ST6GAL1: variants seen among roughly 807,000 people sequenced by gnomAD.
ST6GAL1 encodes the protein beta-galactoside alpha-2,6-sialyltransferase 1.
A neutral mutation model predicts 38.0 loss-of-function variants in ST6GAL1; 20 were observed. That is an observed-to-expected ratio of 0.53 (90% CI 0.37 to 0.77). The LOEUF is 0.77. Ranked by LOEUF, ST6GAL1 falls within the 30% of genes least tolerant of loss-of-function variation. ST6GAL1 has a pLI of 0.00. For missense variants in ST6GAL1, 432 were observed against 496.4 expected (o/e 0.87, Z 1.23); for synonymous variants, 196 against 188.2 (o/e 1.04, Z -0.34).
At chr3:187,074,737 A>T (rs1397405681) in intron 7 of ST6GAL1, among the ~76,000 whole-genome samples, 1 of 151,854 alleles carries the variant, frequency 6.6e-6, no homozygotes, top group East Asian at 1.9e-4. Flanking sequence ...CAGGGGAGGG[A>T]GGTGGGAAAA....
intron 1 of ST6GAL1, among the ~76,000 whole-genome samples, chr3:186,931,898 CTTGT>C (rs1165527161): frequency 6.6e-6 from 1 of 152,248 alleles, no homozygotes. Flanking sequence ...AAAGAGAACT[CTTGT>C]TTGTTTTGCT....
intron 1 of ST6GAL1, among the ~76,000 whole-genome samples, chr3:186,946,433 G>T (rs1404201010): frequency 6.6e-6 from 1 of 151,860 alleles, no homozygotes; most frequent in African/African-American, 2.4e-5. Context: ...CTAGGCTGGA[G>T]TGCAGTGGCG....
chr3:187,017,773 C>T (rs1453296452), intron 2 of ST6GAL1, among the ~76,000 whole-genome samples: 1 of 152,298 alleles, frequency 6.6e-6, no homozygotes, highest in Admixed American at 6.5e-5. Flanking sequence ...AAAACCACGA[C>T]GGACATGGTT....
intron 2 of ST6GAL1, among the ~76,000 whole-genome samples, chr3:186,987,176 GAGAC>G (rs1357883713): frequency 1.3e-5 from 1 of 79,184 alleles, no homozygotes; most frequent in African/African-American, 4.9e-5. Context: ...AAGAGAAAGA[GAGAC>G]AGGGAGGGAG....
intron 2 of ST6GAL1, among the ~76,000 whole-genome samples, chr3:186,988,239 T>C (rs1716022578): frequency 6.6e-6 from 1 of 152,170 alleles, no homozygotes; most frequent in Non-Finnish European, 1.5e-5. Context: ...GTGGACTGGA[T>C]GATGGTTCAG....
chr3:186,948,840 G>A (rs1714477729), intron 1 of ST6GAL1: 2 of 152,550 alleles, frequency 1.3e-5, no homozygotes, highest in Admixed American at 1.3e-4. Flanking sequence ...GATGATGACT[G>A]GTTTCTCTGC....
At chr3:186,951,786 C>T (rs887222859) in intron 1 of ST6GAL1, among the ~76,000 whole-genome samples, 3 of 152,262 alleles carry the variant, frequency 2.0e-5, no homozygotes, top group South Asian at 2.1e-4. Context: ...AACAAAATAC[C>T]GTAAACAGGG....
intron 1 of ST6GAL1, among the ~76,000 whole-genome samples, chr3:186,953,228 C>T (rs1207518771): frequency 6.6e-6 from 1 of 152,160 alleles, no homozygotes; most frequent in East Asian, 1.9e-4. Context: ...CTCTTTTACT[C>T]AGAGCTTAGA....
At chr3:187,013,564 T>C (rs1000018891) in intron 2 of ST6GAL1, among the ~76,000 whole-genome samples, 1 of 152,218 alleles carries the variant, frequency 6.6e-6, no homozygotes, top group Non-Finnish European at 1.5e-5. Context: ...TAGCTAACAC[T>C]AAAAGTGGCA....
intron 1 of ST6GAL1, among the ~76,000 whole-genome samples, chr3:186,940,783 GTTTT>G (rs35452443): frequency 3.9e-5 from 5 of 129,302 alleles, no homozygotes; most frequent in Admixed American, 7.7e-5. Flanking sequence ...CCATGTCAGT[GTTTT>G]TTTTTTTTTT....
At chr3:186,965,716 G>C (rs1715087946) in intron 2 of ST6GAL1, among the ~76,000 whole-genome samples, 1 of 152,146 alleles carries the variant, frequency 6.6e-6, no homozygotes, top group Non-Finnish European at 1.5e-5. Context: ...CCTCCTCACA[G>C]AGCTTACATA....
At chr3:186,938,161 G>T (rs1404991535) in intron 1 of ST6GAL1, among the ~76,000 whole-genome samples, 1 of 152,156 alleles carries the variant, frequency 6.6e-6, no homozygotes, top group Non-Finnish European at 1.5e-5. Flanking sequence ...TCCTAAAGTT[G>T]AAATTACTGG....
chr3:187,071,924 T>A (rs926712989), intron 5 of ST6GAL1: 7 of 152,192 alleles, frequency 4.6e-5, no homozygotes, highest in African/African-American at 1.7e-4. Flanking sequence ...CAAATACTTT[T>A]CTTTATTTTG....
chr3:186,944,233 A>G (rs1487988433), intron 1 of ST6GAL1, among the ~76,000 whole-genome samples: 1 of 152,226 alleles, frequency 6.6e-6, no homozygotes, highest in Admixed American at 6.5e-5. Context: ...AGTGCCTGCG[A>G]ATCCTTTAGT....
intron 2 of ST6GAL1, among the ~76,000 whole-genome samples, chr3:187,032,079 A>G (rs1393530566): frequency 6.6e-6 from 1 of 152,230 alleles, no homozygotes; most frequent in Non-Finnish European, 1.5e-5. Context: ...TAGTGCTGCT[A>G]TCTCATCAGC....
In ST6GAL1 at chr3:187,075,452, G is replaced by C; in HGVS notation, c.980-110G>C. ...ATCACAGTCATAAATAGAAACTCCA[G>C]AGGGAAAGCTCTCCAAATTTGGGGT... On this transcript the variant is annotated intron_variant, in intron 7 of 7. Transcript: ENST00000169298. This position sits in a 1 kb window ranked among gnomAD's most constrained non-coding sequence, Gnocchi z 4.1. 1 of 1,493,452 alleles carries C rather than the reference G, an allele frequency of 6.7e-7. No individual in the cohort carries two copies. The highest frequency in any genetic ancestry group is 2.3e-5 in the East Asian group (1 of 43,982). 92.5% of individuals were successfully genotyped at this position (1,493,452 alleles called of 1,614,324 possible).
rs1184766398 is a variant in ST6GAL1, at chr3:186,952,925, G to T, written c.-324-10860G>T. ...AACAATTTCATCTTTCCATCTTTTA[G>T]GGCTTAAACTCTGGAGTCATTCTAA... is the stretch of plus-strand genomic sequence containing the variant. On this transcript the variant is annotated intron_variant, in intron 1 of 7. Coordinates refer to ENST00000169298, the MANE Select transcript of ST6GAL1 (RefSeq NM_173216.2). The surrounding 1 kb of genome is among the most constrained non-coding windows in gnomAD (Gnocchi z 4.1). Among the ~76,000 whole-genome samples the T allele has an allele frequency of 6.6e-6, 1 of 152,116 alleles. No individual in the cohort carries two copies.
chr3:187,012,296 C>T (rs1716981346), intron 2 of ST6GAL1, among the ~76,000 whole-genome samples: 1 of 151,184 alleles, frequency 6.6e-6, no homozygotes, highest in Non-Finnish European at 1.5e-5. Context: ...CCTGCTCTGT[C>T]TCCCAGGCTG....
chr3:186,970,205 TTTTCTTTTTC>T (rs1283933441), intron 2 of ST6GAL1, among the ~76,000 whole-genome samples: 11 of 138,532 alleles, frequency 7.9e-5, no homozygotes, highest in African/African-American at 2.7e-4. Flanking sequence ...TTTCTTTTTC[TTTTCTTTTTC>T]TTTTTTTTTT....
Sources: gnomAD v4.1 joint callset for allele counts (sites outside exome capture counted in the v4.1 genomes callset) on GRCh38, gnomAD v4.1.1 for gene constraint, Gnocchi (gnomAD v3.1) non-coding constraint, MANE v1.5 for transcripts, NCBI Gene and HGNC (gene_info 2026-07-23, HGNC 2026-07-21) for gene names.